Variants in PCDH15 observed in about 807,000 individuals in gnomAD.
PCDH15 encodes the protein protocadherin related 15.
PCDH15 carries 129 observed loss-of-function variants against 178.5 expected under a neutral mutation model. The observed-to-expected ratio is 0.72, with a 90% CI of 0.63 to 0.84. PCDH15 has a LOEUF of 0.84. PCDH15 is among the 40% of genes least tolerant of loss of function. The probability of loss-of-function intolerance (pLI) is 0.00; values close to 1 mark genes in which losing one functional copy is unlikely to be tolerated. For synonymous variants in PCDH15, 800 were observed against 732.0 expected (o/e 1.09, Z -1.50); for missense variants, 2,230 against 2,099.9 (o/e 1.06, Z -1.21).
chr10:55,464,033 GAAA>G, intron 2 of PCDH15, among the ~76,000 whole-genome samples: 1 of 121,674 alleles, frequency 8.2e-6, no homozygotes, highest in African/African-American at 2.9e-5. Context: ...AAGAAAGAAA[GAAA>G]GAAAGAAAGA....
chr10:55,612,331 G>A (rs2463941), intron 2 of PCDH15, among the ~76,000 whole-genome samples: 51,829 of 151,662 alleles, frequency 0.34, 8,911 homozygotes, highest in Admixed American at 0.38. Flanking sequence ...TTAAGATGGA[G>A]CTGAGCCAAG....
At chr10:54,477,421 C>T (rs2078351125) in intron 3 of PCDH15, among the ~76,000 whole-genome samples, 1 of 152,104 alleles carries the variant, frequency 6.6e-6, no homozygotes, top group South Asian at 2.1e-4. Context: ...CCTATAACAA[C>T]ACTCATCATG....
intron 2 of PCDH15, among the ~76,000 whole-genome samples, chr10:54,623,408 A>C (rs1005228747): frequency 2.0e-5 from 3 of 152,048 alleles, no homozygotes; most frequent in Non-Finnish European, 2.9e-5. Flanking sequence ...TTTTTTTAAA[A>C]TTTGACTAAC....
chr10:55,515,496 G>C (rs1045984579), intron 2 of PCDH15, among the ~76,000 whole-genome samples: 1 of 151,668 alleles, frequency 6.6e-6, no homozygotes, highest in Admixed American at 6.6e-5. Context: ...CTATTGTTTG[G>C]AAAATATTAT....
At chr10:54,679,239 A>ATAG (rs1246365524) in intron 1 of PCDH15, among the ~76,000 whole-genome samples, 5 of 151,350 alleles carry the variant, frequency 3.3e-5, no homozygotes, top group Non-Finnish European at 5.9e-5. Flanking sequence ...TATATGTGAT[A>ATAG]TAGTAGATTG....
At chr10:55,095,440 A>T (rs1842425603) in intron 2 of PCDH15, among the ~76,000 whole-genome samples, 1 of 151,998 alleles carries the variant, frequency 6.6e-6, no homozygotes, top group African/African-American at 2.4e-5. Flanking sequence ...AAGTTATACA[A>T]ATTTGTATTT....
At chr10:54,195,641 G>C (rs766134136) in intron 11 of PCDH15, 42 bp downstream of exon 11, 4 of 1,497,626 alleles carry the variant, frequency 2.7e-6, no homozygotes, top group South Asian at 2.3e-5. Context: ...GGAAATATGA[G>C]ATTTGTTACA....
intron 8 of PCDH15, among the ~76,000 whole-genome samples, chr10:54,296,313 C>T (rs1018057133): frequency 1.8e-4 from 28 of 152,050 alleles, no homozygotes; most frequent in East Asian, 7.8e-4. Flanking sequence ...TGGGCTGAGC[C>T]GAGGGTAGAC....
intron 1 of PCDH15, among the ~76,000 whole-genome samples, chr10:55,192,074 A>G (rs1044879356): frequency 2.0e-5 from 3 of 151,912 alleles, no homozygotes; most frequent in Non-Finnish European, 4.4e-5. Flanking sequence ...CTTAATTTCC[A>G]TAGCCTATGG....
intron 1 of PCDH15, among the ~76,000 whole-genome samples, chr10:55,232,524 G>A (rs779559489): frequency 6.6e-6 from 1 of 152,034 alleles, no homozygotes; most frequent in Non-Finnish European, 1.5e-5. Flanking sequence ...TTACATCTTT[G>A]TACATTTCCT....
intron 8 of PCDH15, among the ~76,000 whole-genome samples, chr10:54,254,403 G>A (rs1388935590): frequency 2.0e-5 from 3 of 151,888 alleles, no homozygotes; most frequent in Non-Finnish European, 4.4e-5. Flanking sequence ...CAAGAGGAGC[G>A]AAAATAAAGG....
chr10:54,266,229 T>C (rs530673189), intron 8 of PCDH15, among the ~76,000 whole-genome samples: 96 of 150,892 alleles, frequency 6.4e-4, no homozygotes, highest in Admixed American at 1.1e-3. Flanking sequence ...AACAAGAAAA[T>C]TAAGGCAGAA....
intron 15 of PCDH15, among the ~76,000 whole-genome samples, chr10:54,099,333 T>C (rs952571884): frequency 2.7e-4 from 41 of 151,548 alleles, no homozygotes; most frequent in African/African-American, 9.9e-4. Flanking sequence ...ACCCCATCTC[T>C]ACTAAAAATA....
chr10:54,629,155 G>T (rs1204666926), intron 2 of PCDH15, among the ~76,000 whole-genome samples: 1 of 151,930 alleles, frequency 6.6e-6, no homozygotes, highest in Non-Finnish European at 1.5e-5. Context: ...AAAAAAATTT[G>T]AGTGCAAAAC....
At chr10:55,496,354 T>A (rs1020524039) in intron 2 of PCDH15, among the ~76,000 whole-genome samples, 7 of 151,766 alleles carry the variant, frequency 4.6e-5, no homozygotes, top group African/African-American at 1.7e-4. Flanking sequence ...TACTTTTTTA[T>A]AAATAATAAC....
At chr10:54,355,120 CAAAAAA>C (rs770404490) in intron 5 of PCDH15, among the ~76,000 whole-genome samples, 8 of 69,832 alleles carry the variant, frequency 1.1e-4, no homozygotes, top group African/African-American at 4.4e-4. Context: ...AGGAGGATTG[CAAAAAA>C]AAAAAAAAAA....
At chr10:54,903,168 C>G (rs932235347) in intron 2 of PCDH15, among the ~76,000 whole-genome samples, 1 of 151,984 alleles carries the variant, frequency 6.6e-6, no homozygotes, top group South Asian at 2.1e-4. Flanking sequence ...AGACTAGGTA[C>G]GAAAGAAAAG....
At chr10:55,280,356 G>A (rs998032937) in intron 1 of PCDH15, among the ~76,000 whole-genome samples, 8 of 133,442 alleles carry the variant, frequency 6.0e-5, no homozygotes, top group Non-Finnish European at 9.1e-5. Context: ...TCAGCTCACT[G>A]CAACCTCCGC....
At chr10:54,791,939 A>G (rs1951455218) in intron 1 of PCDH15, among the ~76,000 whole-genome samples, 1 of 151,926 alleles carries the variant, frequency 6.6e-6, no homozygotes, top group Non-Finnish European at 1.5e-5. Flanking sequence ...TGATTTCATT[A>G]AGAAGCCCCT....
Sources: allele counts gnomAD v4.1 joint callset (sites outside exome capture counted in the v4.1 genomes callset), GRCh38; gene constraint gnomAD v4.1.1; transcripts MANE v1.5; gene names NCBI Gene and HGNC (gene_info 2026-07-23, HGNC 2026-07-21).